Variants in LRBA observed in about 807,000 individuals in gnomAD.
LRBA encodes the protein lipopolysaccharide-responsive and beige-like anchor protein.
Under a neutral mutation model 330.0 loss-of-function variants are expected in LRBA, and 176 were observed. The ratio of observed to expected loss-of-function variants is 0.53; its 90% CI spans 0.47 to 0.60. LRBA has a LOEUF of 0.60. Among genes scored for constraint, LRBA ranks in the 20% least tolerant of loss-of-function variants. LRBA has a pLI of 0.00. For missense variants in LRBA, 3,259 were observed against 3,444.8 expected, an observed-to-expected ratio of 0.95 and a Z score of 1.35; for synonymous variants, 1,230 against 1,193.0, an observed-to-expected ratio of 1.03 and a Z score of -0.64.
At chr4:150,709,285 T>C (rs577786181) in intron 36 of LRBA, among the ~76,000 whole-genome samples, 10 of 151,830 alleles carry the variant, frequency 6.6e-5, no homozygotes, top group Non-Finnish European at 1.2e-4. Flanking sequence ...GCAGAGAAAA[T>C]GTCAAAAAAT....
chr4:150,623,814 C>T (rs1776556379), intron 37 of LRBA, among the ~76,000 whole-genome samples: 1 of 151,862 alleles, frequency 6.6e-6, no homozygotes, highest in Non-Finnish European at 1.5e-5. Context: ...ATTTATCTAA[C>T]AAAAATTTTA....
rs1734170240 is a variant in LRBA, at chr4:150,928,964, G to A, written c.318C>T (p.Cys106=). 1.9e-6 allele frequency: 3 copies of A among 1,613,450 alleles called. No individual in the cohort carries two copies. Among genetic ancestry groups the A allele is most frequent in the Non-Finnish European group, 2.5e-6 (3 of 1,179,836 alleles). Residue 106 remains cysteine (C), a synonymous_variant, in exon 3 of 57, where the codon TGC becomes TGT. Transcript: ENST00000651943. ...TAAACATGCTCCAGACTTCTGCTTG[G>A]CACGTAATGTCACATTTTTCCAGTA... is the stretch of plus-strand genomic sequence containing the variant. ...VDLLEKCDIT[C]QAEVWSMFTA... is the part of the protein sequence containing the mutation.
At chr4:150,898,807 T>C (rs1386559832) in intron 14 of LRBA, among the ~76,000 whole-genome samples, 1 of 152,084 alleles carries the variant, frequency 6.6e-6, no homozygotes, top group Non-Finnish European at 1.5e-5. Flanking sequence ...TACAGCACCA[T>C]GAAATAGTCA....
Position 150,583,128 on chromosome 4 carries a change from G to C in LRBA, c.6330+4920C>G, listed in dbSNP as rs757924120. 14 of 1,614,210 alleles carry C rather than the reference G, an allele frequency of 8.7e-6. No individual in the cohort carries two copies. The highest frequency in any genetic ancestry group is 1.0e-5 in the Non-Finnish European group (12 of 1,180,026). ...CGGCCATCGCCAAAACCATCCGAGAGGTCTGTAAGGTGGTCTCGGACGTGC... is the reference window on the plus strand; with the variant it reads ...CGGCCATCGCCAAAACCATCCGAGACGTCTGTAAGGTGGTCTCGGACGTGC... On this transcript the variant is annotated intron_variant, in intron 40 of 56. Coordinates refer to ENST00000651943, the MANE Select transcript of LRBA (RefSeq NM_001364905.1). This position sits in a 1 kb window ranked among gnomAD's most constrained non-coding sequence, Gnocchi z 9.8.
chr4:150,932,348 T>C (rs1734605330), intron 2 of LRBA, among the ~76,000 whole-genome samples: 1 of 145,692 alleles, frequency 6.9e-6, no homozygotes, highest in Admixed American at 6.8e-5. Flanking sequence ...TATCTGCTTG[T>C]GGGAACTAGG....
chr4:150,750,909 TC>T (rs1374770657), intron 35 of LRBA, among the ~76,000 whole-genome samples: 1 of 138,680 alleles, frequency 7.2e-6, no homozygotes, highest in African/African-American at 3.1e-5. Flanking sequence ...AAAGGAAAAA[TC>T]TTTAAAAAAA....
chr4:150,268,795 C>A (rs1745688300), intron 56 of LRBA, among the ~76,000 whole-genome samples: 1 of 152,182 alleles, frequency 6.6e-6, no homozygotes, highest in South Asian at 2.1e-4. Context: ...GCTAACACCA[C>A]ACTCGATGAA....
At chr4:150,605,521 C>T (rs1774533381) in intron 37 of LRBA, among the ~76,000 whole-genome samples, 1 of 152,120 alleles carries the variant, frequency 6.6e-6, no homozygotes, top group Non-Finnish European at 1.5e-5. Context: ...GTTTTTTAAA[C>T]TCCTATATCT....
At chr4:150,671,490 A>G (rs1333051672) in intron 37 of LRBA, among the ~76,000 whole-genome samples, 1 of 152,170 alleles carries the variant, frequency 6.6e-6, no homozygotes, top group Non-Finnish European at 1.5e-5. Flanking sequence ...GTACATTGCC[A>G]AGTACTAGAT....
At chr4:150,788,239 A>ATTTT (rs377479266) in intron 34 of LRBA, among the ~76,000 whole-genome samples, 10 of 123,222 alleles carry the variant, frequency 8.1e-5, no homozygotes, top group African/African-American at 3.9e-4. Context: ...CACCCGGTTA[A>ATTTT]TTTTTTTTTT....
At chr4:150,502,468 T>G (rs946182854) in intron 40 of LRBA, among the ~76,000 whole-genome samples, 2 of 152,196 alleles carry the variant, frequency 1.3e-5, no homozygotes, top group East Asian at 3.9e-4. Flanking sequence ...TTACTGGGCC[T>G]GTAAAAGAAG....
chr4:150,506,418 T>A (rs968804820), intron 40 of LRBA, among the ~76,000 whole-genome samples: 1 of 152,184 alleles, frequency 6.6e-6, no homozygotes, highest in Non-Finnish European at 1.5e-5. Context: ...CAAGGCTGGT[T>A]CAACATATGC....
intron 4 of LRBA, 70 bp from the exon 5 acceptor site, chr4:150,921,363 T>C (rs1733241840): frequency 5.6e-6 from 5 of 894,644 alleles, no homozygotes; most frequent in Non-Finnish European, 9.4e-6. Context: ...ATCTTTAATA[T>C]AGTCTTGCTG....
intron 46 of LRBA, 41 bp downstream of exon 46, chr4:150,435,548 T>C (rs751152669): frequency 3.2e-6 from 5 of 1,573,986 alleles, no homozygotes; most frequent in South Asian, 1.2e-5. Context: ...CAACAAGTAA[T>C]GCACTGGCAA....
At chr4:150,703,840 A>G (rs970591506) in intron 36 of LRBA, among the ~76,000 whole-genome samples, 1 of 151,968 alleles carries the variant, frequency 6.6e-6, no homozygotes, top group African/African-American at 2.4e-5. Context: ...AGATTCTCAA[A>G]GAGTCCATTA....
At chr4:150,345,571 C>T (rs780480964) in intron 48 of LRBA, among the ~76,000 whole-genome samples, 18 of 152,220 alleles carry the variant, frequency 1.2e-4, no homozygotes, top group Admixed American at 5.9e-4. Context: ...CCATGCCAGG[C>T]GGTTTACATG....
chr4:150,663,703 T>C (rs760173642), intron 37 of LRBA, among the ~76,000 whole-genome samples: 26 of 152,198 alleles, frequency 1.7e-4, no homozygotes, highest in Non-Finnish European at 3.2e-4. Flanking sequence ...AAATTAATGT[T>C]ACGGGCTTCT....
chr4:150,360,547 T>G (rs2151841246), intron 47 of LRBA, among the ~76,000 whole-genome samples: 1 of 152,326 alleles, frequency 6.6e-6, no homozygotes, highest in Middle Eastern at 3.4e-3. Flanking sequence ...CGGTGAGGCT[T>G]TATTCAGTTC....
chr4:150,419,813 T>C (rs976333816), intron 46 of LRBA, among the ~76,000 whole-genome samples: 1 of 151,384 alleles, frequency 6.6e-6, no homozygotes, highest in Non-Finnish European at 1.5e-5. Context: ...AATTTTTGTA[T>C]TTTTAGTAGA....
Sources: gnomAD v4.1 joint callset for allele counts (sites outside exome capture counted in the v4.1 genomes callset) on GRCh38, gnomAD v4.1.1 for gene constraint, Gnocchi (gnomAD v3.1) non-coding constraint, MANE v1.5 for transcripts, NCBI Gene and HGNC (gene_info 2026-07-23, HGNC 2026-07-21) for gene names.